Variants in KIAA1328 observed in about 807,000 individuals in gnomAD.
KIAA1328 encodes the protein KIAA1328, also known as protein hinderin.
A neutral mutation model predicts 68.1 loss-of-function variants in KIAA1328; 52 were observed. That is an observed-to-expected ratio of 0.76 (90% CI 0.61 to 0.96). KIAA1328 has a LOEUF of 0.96. Ranked by LOEUF, KIAA1328 falls within the 40% of genes least tolerant of loss-of-function variation. The pLI is 0.00. For synonymous variants in KIAA1328, 232 were observed against 239.4 expected (o/e 0.97, Z 0.28); for missense variants, 641 against 677.6 (o/e 0.95, Z 0.60).
intron 3 of KIAA1328, among the ~76,000 whole-genome samples, chr18:36,842,407 C>T (rs530999251): frequency 2.9e-4 from 44 of 152,250 alleles, no homozygotes; most frequent in African/African-American, 1.0e-3. Context: ...TTCTTTCTTC[C>T]TGGTCTTCAT....
intron 6 of KIAA1328, among the ~76,000 whole-genome samples, chr18:37,042,313 G>C (rs1342955673): frequency 2.0e-5 from 3 of 152,044 alleles, no homozygotes; most frequent in Admixed American, 2.0e-4. Flanking sequence ...GATCTTTTCT[G>C]GTATTCATTA....
chr18:37,114,255 G>T (rs1346361992), intron 7 of KIAA1328, among the ~76,000 whole-genome samples: 1 of 152,128 alleles, frequency 6.6e-6, no homozygotes, highest in Non-Finnish European at 1.5e-5. Context: ...CCACATAGTT[G>T]GAAGTAAAGC....
intron 7 of KIAA1328, among the ~76,000 whole-genome samples, chr18:37,124,193 CAAAAATA>C (rs1006155126): frequency 3.3e-5 from 5 of 151,996 alleles, no homozygotes; most frequent in Admixed American, 6.6e-5. Context: ...TACTGGTGGA[CAAAAATA>C]AAAAATAAAA....
chr18:36,829,253 C>T lies in KIAA1328; in HGVS notation c.58+57C>T, dbSNP rs766524902. 3.4e-6 allele frequency: 5 copies of T among 1,460,076 alleles called. No individual in the cohort carries two copies. The South Asian group carries it at 5.4e-5, about 16-fold the overall frequency. 90.4% of individuals were successfully genotyped at this position (1,460,076 alleles called of 1,614,324 possible). A position where few individuals can be genotyped will look rare whatever the true frequency, so the allele number is the denominator to read the frequency against. ...GCGCCCTCCACGGGACGGCGAGGGGCGAGCCGTCGCGTGGCAGTCCGAGAG... is the reference window on the plus strand; with the variant it reads ...GCGCCCTCCACGGGACGGCGAGGGGTGAGCCGTCGCGTGGCAGTCCGAGAG... On this transcript the variant is annotated intron_variant, in intron 1 of 9. Transcript: ENST00000280020.
chr18:36,965,311 T>G (rs2051874167), intron 6 of KIAA1328, among the ~76,000 whole-genome samples: 1 of 151,784 alleles, frequency 6.6e-6, no homozygotes. Context: ...TCTTAGTAGG[T>G]CTGGGTCACA....
chr18:37,014,645 G>A (rs1171943250), intron 6 of KIAA1328, among the ~76,000 whole-genome samples: 1 of 152,060 alleles, frequency 6.6e-6, no homozygotes, highest in Non-Finnish European at 1.5e-5. Context: ...ATCTTAAATG[G>A]CCAGAGCAGG....
At chr18:36,887,695 C>T (rs2048546852) in intron 5 of KIAA1328, among the ~76,000 whole-genome samples, 1 of 152,170 alleles carries the variant, frequency 6.6e-6, no homozygotes, top group African/African-American at 2.4e-5. Flanking sequence ...GAGCATTTAG[C>T]TTGTCCAAGT....
intron 8 of KIAA1328, among the ~76,000 whole-genome samples, chr18:37,168,183 C>G (rs1168742643): frequency 6.6e-6 from 1 of 152,224 alleles, no homozygotes; most frequent in Non-Finnish European, 1.5e-5. Context: ...ATCTGCCCAA[C>G]TTTATAGGAA....
chr18:37,062,476 A>C (rs2056187892), intron 6 of KIAA1328, among the ~76,000 whole-genome samples: 1 of 149,298 alleles, frequency 6.7e-6, no homozygotes, highest in African/African-American at 2.5e-5. Flanking sequence ...TTTTTGAGAC[A>C]GAGTCTCACT....
chr18:36,973,805 A>G (rs1364151165), intron 6 of KIAA1328, among the ~76,000 whole-genome samples: 2 of 129,440 alleles, frequency 1.5e-5, no homozygotes, highest in Non-Finnish European at 3.3e-5. Flanking sequence ...AATTGTGTGT[A>G]CGCACATACA....
intron 5 of KIAA1328, among the ~76,000 whole-genome samples, chr18:36,931,847 AGTTTT>A (rs1262430382): frequency 6.6e-6 from 1 of 151,548 alleles, no homozygotes; most frequent in Admixed American, 6.6e-5. Flanking sequence ...TTTAATTTTT[AGTTTT>A]ATTTGTTTTA....
At chr18:37,136,281 A>C (rs1438319209) in intron 7 of KIAA1328, among the ~76,000 whole-genome samples, 1 of 152,140 alleles carries the variant, frequency 6.6e-6, no homozygotes, top group South Asian at 2.1e-4. Context: ...CTATAAATTT[A>C]TAGGACTTTG....
chr18:37,111,934 A>G (rs1368189055), intron 7 of KIAA1328, among the ~76,000 whole-genome samples: 1 of 152,198 alleles, frequency 6.6e-6, no homozygotes, highest in African/African-American at 2.4e-5. Flanking sequence ...CTAGCAGACC[A>G]GTCTGAGTTC....
At chr18:37,126,011 A>T (rs1428319793) in intron 7 of KIAA1328, among the ~76,000 whole-genome samples, 1 of 152,242 alleles carries the variant, frequency 6.6e-6, no homozygotes, top group Non-Finnish European at 1.5e-5. Context: ...TATCAGTAGC[A>T]TATAAATTTC....
chr18:37,093,295 T>C (rs1024410709), intron 7 of KIAA1328, among the ~76,000 whole-genome samples: 5 of 152,074 alleles, frequency 3.3e-5, no homozygotes, highest in East Asian at 1.9e-4. Flanking sequence ...CTGGAACAGA[T>C]ACCAAGGAAA....
At chr18:36,866,012 A>G (rs1002461641) in intron 4 of KIAA1328, among the ~76,000 whole-genome samples, 3 of 152,192 alleles carry the variant, frequency 2.0e-5, no homozygotes, top group African/African-American at 7.2e-5. Context: ...GATGCTACAC[A>G]TGGGGCTGCC....
At chr18:37,097,148 C>G (rs554103771) in intron 7 of KIAA1328, among the ~76,000 whole-genome samples, 1 of 152,258 alleles carries the variant, frequency 6.6e-6, no homozygotes, top group South Asian at 2.1e-4. Flanking sequence ...AAGTCCTTGC[C>G]CATGCCTATG....
chr18:37,135,713 C>G (rs1304087205), intron 7 of KIAA1328, among the ~76,000 whole-genome samples: 2 of 152,008 alleles, frequency 1.3e-5, no homozygotes, highest in African/African-American at 4.8e-5. Flanking sequence ...ATTTTTTGTT[C>G]TGTTGCAATT....
chr18:37,041,643 TG>T (rs1484490753), intron 6 of KIAA1328, among the ~76,000 whole-genome samples: 1 of 2,392 alleles, frequency 4.2e-4, no homozygotes, highest in East Asian at 0.013. Flanking sequence ...TTTGTGTTTG[TG>T]TGTGTGTGTG....
Sources: allele counts gnomAD v4.1 joint callset (sites outside exome capture counted in the v4.1 genomes callset), GRCh38; gene constraint gnomAD v4.1.1; transcripts MANE v1.5; gene names NCBI Gene and HGNC (gene_info 2026-07-23, HGNC 2026-07-21).